The following RSRC1 variants were observed in gnomAD, a reference collection of about 807,000 sequenced individuals.
RSRC1 encodes the protein serine/Arginine-related protein 53.
A neutral mutation model predicts 49.1 loss-of-function variants in RSRC1; 39 were observed. The observed-to-expected ratio is 0.79, with a 90% CI of 0.61 to 1.04. The LOEUF (loss-of-function observed/expected upper bound fraction) is 1.04, where lower values mean the gene tolerates loss of function less well. Among genes scored for constraint, RSRC1 ranks in the 50% least tolerant of loss-of-function variants. The probability of loss-of-function intolerance (pLI) is 0.00; values close to 1 mark genes in which losing one functional copy is unlikely to be tolerated. For synonymous variants in RSRC1, 143 were observed against 130.8 expected (o/e 1.09, Z -0.63); for missense variants, 388 against 402.4 (o/e 0.96, Z 0.31).
chr3:158,225,407 G>T (rs1241868703), intron 4 of RSRC1, among the ~76,000 whole-genome samples: 1 of 151,812 alleles, frequency 6.6e-6, no homozygotes, highest in African/African-American at 2.4e-5. Context: ...ATTTTCCCAG[G>T]ATTTTAAGTT....
Position 158,159,396 on chromosome 3 carries a change from A to G in RSRC1, c.320+35405A>G, listed in dbSNP as rs573035545. On this transcript the variant is annotated intron_variant, in intron 3 of 9. Transcript: ENST00000611884. ...GAAGAATATGAAAACCAAAAAGATG[A>G]TTATAGGAATATTATTAGTATAGCC... Among the ~76,000 whole-genome samples, 9 of 152,308 alleles carry G rather than the reference A, an allele frequency of 5.9e-5. No individual in the cohort carries two copies. In the South Asian group the frequency reaches 1.9e-3, roughly 32 times the overall value.
chr3:158,184,477 T>A (rs1179773653), intron 3 of RSRC1, among the ~76,000 whole-genome samples: 1 of 152,184 alleles, frequency 6.6e-6, no homozygotes, highest in African/African-American at 2.4e-5. Context: ...ACCATTGAGA[T>A]GTTTCATGCC....
chr3:158,185,476 C>T (rs1730044), intron 3 of RSRC1, among the ~76,000 whole-genome samples: 99,570 of 151,648 alleles, frequency 0.66, 32,919 homozygotes, highest in East Asian at 0.84. Flanking sequence ...TTGTTTTTTA[C>T]GCATTTAAAA....
chr3:158,511,628 C>G (rs900165958), intron 7 of RSRC1, among the ~76,000 whole-genome samples: 11 of 152,216 alleles, frequency 7.2e-5, no homozygotes, highest in African/African-American at 1.9e-4. Context: ...AGTCCTTTGG[C>G]TATATACCCA....
chr3:158,202,674 G>T (rs968003230), intron 3 of RSRC1, among the ~76,000 whole-genome samples: 1 of 149,786 alleles, frequency 6.7e-6, no homozygotes, highest in Admixed American at 6.7e-5. Context: ...GATTGGAGTG[G>T]ATCAGTATTT....
Position 158,213,955 on chromosome 3 carries a change from A to G in RSRC1, c.494+10710A>G, listed in dbSNP as rs532324023. On this transcript the variant is annotated intron_variant, in intron 4 of 9. Coordinates refer to ENST00000611884, the MANE Select transcript of RSRC1 (RefSeq NM_001271838.2). ...ACAGCTTTAGTGTAGTCAGCCTTCCATACCCGCAGGTTCCACATCCATGGA... is the reference window on the plus strand; with the variant it reads ...ACAGCTTTAGTGTAGTCAGCCTTCCGTACCCGCAGGTTCCACATCCATGGA... Among the ~76,000 whole-genome samples the G allele has an allele frequency of 5.9e-5, 9 of 152,014 alleles. No homozygotes were observed. The East Asian group carries it at 1.7e-3, about 30-fold the overall frequency.
intron 6 of RSRC1, among the ~76,000 whole-genome samples, chr3:158,420,704 T>G (rs1734994632): frequency 6.6e-6 from 1 of 151,944 alleles, no homozygotes; most frequent in South Asian, 2.1e-4. Context: ...TTAATAGGTT[T>G]TTATATCTCT....
chr3:158,147,074 C>T lies in RSRC1; in HGVS notation c.320+23083C>T, dbSNP rs1717179554. 6.6e-5 allele frequency among the ~76,000 whole-genome samples: 7 copies of T among 106,218 alleles called. No individual in the cohort carries two copies. The South Asian group carries it at 2.4e-3, about 36-fold the overall frequency. 69.7% of individuals were successfully genotyped at this position (106,218 alleles called of 152,430 possible). A position where few individuals can be genotyped will look rare whatever the true frequency, so the allele number is the denominator to read the frequency against. ...CTGCCTCCCCCTCCCTCTCCATCTT[C>T]TTCCTTTTCTTTCTTCTGCTTTTCT... On this transcript the variant is annotated intron_variant, in intron 3 of 9. Transcript: ENST00000611884.
In RSRC1 at chr3:158,228,880, T is replaced by TACGTGTATATGTGTATATAAAC. The variant is rs1429205592; in HGVS notation, c.494+25642_494+25643insTATGTGTATATAAACACGTGTA. Among the ~76,000 whole-genome samples, 2 of 47,332 alleles carry TACGTGTATATGTGTATATAAAC rather than the reference T, an allele frequency of 4.2e-5. 1 individual carries two copies. The highest frequency in any genetic ancestry group is 2.1e-4 in the African/African-American group (2 of 9,364). 31.1% of individuals were successfully genotyped at this position (47,332 alleles called of 152,430 possible). On this transcript the variant is annotated intron_variant, in intron 4 of 9. Transcript: ENST00000611884. ...ACGTGTATATATGTATATAAACACATACGTGTAATGTGTATATAAACACAC... is the reference window on the plus strand; with the variant it reads ...ACGTGTATATATGTATATAAACACATACGTGTATATGTGTATATAAACACGTGTAATGTGTATATAAACACAC...
At chr3:158,518,112 G>GCATATATATATA in intron 7 of RSRC1, among the ~76,000 whole-genome samples, 1 of 77,748 alleles carries the variant, frequency 1.3e-5, no homozygotes, top group African/African-American at 7.9e-5. Context: ...GTGTGTGTGT[G>GCATATATATATA]TGTGTGTGTG....
intron 6 of RSRC1, among the ~76,000 whole-genome samples, chr3:158,393,743 G>A (rs1347195785): frequency 6.6e-6 from 1 of 152,016 alleles, no homozygotes; most frequent in Non-Finnish European, 1.5e-5. Flanking sequence ...GTATAAAGAA[G>A]AGCTGATACT....
intron 3 of RSRC1, among the ~76,000 whole-genome samples, chr3:158,176,783 A>T (rs1163552167): frequency 3.3e-5 from 5 of 152,300 alleles, no homozygotes; most frequent in African/African-American, 1.2e-4. Context: ...AACAAAACCA[A>T]AATTGACAAA....
intron 4 of RSRC1, among the ~76,000 whole-genome samples, chr3:158,253,826 T>C (rs1341607998): frequency 1.3e-5 from 2 of 152,164 alleles, no homozygotes; most frequent in African/African-American, 4.8e-5. Context: ...GCAAGTTTGA[T>C]ACATAGGTAT....
intron 7 of RSRC1, among the ~76,000 whole-genome samples, chr3:158,493,495 C>G (rs995676150): frequency 3.3e-5 from 5 of 152,148 alleles, no homozygotes; most frequent in Admixed American, 2.0e-4. Context: ...AAGAAATGCT[C>G]TATACCCGAG....
chr3:158,408,641 A>AG (rs1734272266), intron 6 of RSRC1, among the ~76,000 whole-genome samples: 1 of 152,182 alleles, frequency 6.6e-6, no homozygotes, highest in Non-Finnish European at 1.5e-5. Context: ...CTAGGAAAAA[A>AG]TATGTCCTAT....
intron 4 of RSRC1, among the ~76,000 whole-genome samples, chr3:158,209,348 G>A (rs371215774): frequency 1.3e-5 from 2 of 152,172 alleles, no homozygotes; most frequent in South Asian, 2.1e-4. Context: ...TCTTTGGAAT[G>A]ATGCAGCAAG....
At chr3:158,146,988 A>C (rs564391279) in intron 3 of RSRC1, among the ~76,000 whole-genome samples, 1 of 152,120 alleles carries the variant, frequency 6.6e-6, no homozygotes. Context: ...CCTAGATTGA[A>C]CAGTTACCAA....
At chr3:158,484,658 T>C (rs1448356627) in intron 7 of RSRC1, among the ~76,000 whole-genome samples, 1 of 152,126 alleles carries the variant, frequency 6.6e-6, no homozygotes, top group Non-Finnish European at 1.5e-5. Context: ...TAGAAATTTG[T>C]AAATCAAATA....
intron 3 of RSRC1, among the ~76,000 whole-genome samples, chr3:158,127,859 CAA>C (rs1715735427): frequency 6.7e-6 from 1 of 150,278 alleles, no homozygotes; most frequent in South Asian, 2.1e-4. Context: ...AGTCCTTCAC[CAA>C]CCAGCTTTTT....
Sources: allele counts gnomAD v4.1 joint callset (sites outside exome capture counted in the v4.1 genomes callset), GRCh38; gene constraint gnomAD v4.1.1; transcripts MANE v1.5; gene names NCBI Gene and HGNC (gene_info 2026-07-23, HGNC 2026-07-21).